Variants in OR5B17 observed in about 807,000 individuals in gnomAD.
The protein encoded by OR5B17 is olfactory receptor 5B17.
For synonymous variants in OR5B17, 150 were observed against 135.8 expected, an observed-to-expected ratio of 1.10 and a Z score of -0.73; for missense variants, 444 against 378.7, an observed-to-expected ratio of 1.17 and a Z score of -1.43.
chr11:58,358,599 T>G lies in OR5B17; in HGVS notation c.471A>C (p.Gln157His). ...YVIGFLNASI[Q>H]IGDTFRLSFC... ...AAGAGAGGCGAAATGTATCTCCAAT[T>G]TGGATAGAAGCATTCAGAAAACCAA... Residue 157 changes from glutamine to histidine, a missense_variant, in exon 1 of 1, where the codon CAA becomes CAC. Coordinates refer to ENST00000357377, the MANE Select transcript of OR5B17 (RefSeq NM_001005489.2). 6.2e-7 allele frequency: 1 copy of G among 1,613,964 alleles called. No individual in the cohort carries two copies. The highest frequency in any genetic ancestry group is 1.6e-4 in the Middle Eastern group (1 of 6,062).
rs150197773 is a variant in OR5B17, at chr11:58,358,187, C to A, written c.883G>T (p.Val295Leu). Residue 295 changes from valine to leucine, a missense_variant, in exon 1 of 1, where the codon GTG becomes TTG. Val to Leu is a conservative substitution (Grantham distance 32). Coordinates refer to ENST00000357377, the MANE Select transcript of OR5B17 (RefSeq NM_001005489.2). ...PIVYTLRNKD[V>L]KNAFMKVVEK... ...ACAACCTTCATGAATGCATTCTTCACGTCTTTGTTCCTCAGGGTATAGACT... is the reference window on the plus strand; with the variant it reads ...ACAACCTTCATGAATGCATTCTTCAAGTCTTTGTTCCTCAGGGTATAGACT... The A allele has an allele frequency of 5.6e-6, 9 of 1,610,436 alleles. No individual in the cohort carries two copies. Among genetic ancestry groups the A allele is most frequent in the African/African-American group, 2.7e-5 (2 of 74,828 alleles).
rs144426665 is a variant in OR5B17, at chr11:58,358,700, C to T, written c.370G>A (p.Val124Met). Reference protein sequence around the residue: ...SSMAYDRYAAVCNPLHYTTTM... With the variant: ...SSMAYDRYAAMCNPLHYTTTM... ...GTGGTATAATGTAGGGGGTTACACA[C>T]TGCTGCGTAGCGGTCATAGGCCATT... Residue 124 changes from valine to methionine, a missense_variant, in exon 1 of 1, where the codon GTG becomes ATG. Physicochemically the swap from Val to Met is conservative, Grantham distance 21. Transcript: ENST00000357377. 34 of 1,613,990 alleles carry T rather than the reference C, an allele frequency of 2.1e-5. No homozygotes were observed. The African/African-American group carries it at 4.1e-4, about 20-fold the overall frequency.
rs1256348332 is a variant in OR5B17, at chr11:58,358,970, G to A, written c.100C>T (p.Leu34Phe). ...CCCAGGTTCCCAGTCAGAGTGATGA[G>A]GTAGATGAGGGTAAACATGATAAAG... The part of the protein sequence containing the change: ...PLFIMFTLIY[L>F]ITLTGNLGMI... The change falls in exon 1 of 1, where the codon CTC (leucine) becomes TTC (phenylalanine). Residue 34 changes from leucine (L) to phenylalanine (F), a missense_variant. Physicochemically the swap from Leu to Phe is conservative, Grantham distance 22 (BLOSUM62 0). Transcript: ENST00000357377. The A allele has an allele frequency of 6.2e-7, 1 of 1,613,512 alleles. No individual in the cohort carries two copies. The highest frequency in any genetic ancestry group is 8.5e-7 in the Non-Finnish European group (1 of 1,179,848).
Position 58,358,990 on chromosome 11 carries a change from A to T in OR5B17, c.80T>A (p.Ile27Asn), listed in dbSNP as rs775722091. 26 of 1,612,878 alleles carry T rather than the reference A, an allele frequency of 1.6e-5. No homozygotes were observed. The highest frequency in any genetic ancestry group is 2.2e-5 in the Non-Finnish European group (26 of 1,179,940). The change falls in exon 1 of 1, where the codon ATC becomes AAC. Residue 27 changes from isoleucine (I) to asparagine (N), a missense_variant. Ile to Asn is a moderately radical substitution (Grantham distance 149). Transcript: ENST00000357377. ...NAPELQVPLF[I>N]MFTLIYLITL... ...GATGAGGTAGATGAGGGTAAACATG[A>T]TAAAGAGGGGAACCTGTAGTTCTGG...
rs1171962750 is a variant in OR5B17 at position 58,359,058 on chromosome 11, A to G, written c.12T>C (p.Asn4=). 6.3e-7 allele frequency: 1 copy of G among 1,575,572 alleles called. No homozygotes were observed. The highest frequency in any genetic ancestry group is 1.8e-5 in the Admixed American group (1 of 55,980). The change falls in exon 1 of 1, where the codon AAT becomes AAC. Residue 4 remains asparagine, a synonymous_variant. Coordinates refer to ENST00000357377, the MANE Select transcript of OR5B17 (RefSeq NM_001005489.2). MEN[N]TEVSEFILLG... ...GCAGGATGAATTCACTCACCTCTGT[A>G]TTATTCTCCATGGATGTTATTTTAG... is the stretch of plus-strand genomic sequence containing the variant.
At position 58,359,045 on chromosome 11, in the gene OR5B17, C is replaced by A; in HGVS notation, c.25G>T (p.Glu9Ter). 6.2e-7 allele frequency: 1 copy of A among 1,600,266 alleles called. No individual in the cohort carries two copies. The highest frequency in any genetic ancestry group is 8.5e-7 in the Non-Finnish European group (1 of 1,176,570). MENNTEVS[E>*]FILLGLTNAP... ...TTGGTTAGACCAAGCAGGATGAATT[C>A]ACTCACCTCTGTATTATTCTCCATG... Residue 9 changes from glutamate to a stop codon, truncating the protein, a stop_gained, in exon 1 of 1, where the codon GAA becomes TAA. Coordinates refer to ENST00000357377, the MANE Select transcript of OR5B17 (RefSeq NM_001005489.2). LOFTEE classifies it low-confidence loss of function (END_TRUNC).
chr11:58,359,054 C>G lies in OR5B17; in HGVS notation c.16G>C (p.Glu6Gln). 2 of 1,581,522 alleles carry G rather than the reference C, an allele frequency of 1.3e-6. No individual in the cohort carries two copies. The highest frequency in any genetic ancestry group is 1.7e-4 in the Middle Eastern group (1 of 5,914). ...CCAAGCAGGATGAATTCACTCACCT[C>G]TGTATTATTCTCCATGGATGTTATT... is the stretch of plus-strand genomic sequence containing the variant. The part of the protein sequence containing the change: MENNT[E>Q]VSEFILLGLT... Residue 6 changes from glutamate to glutamine, a missense_variant, in exon 1 of 1, where the codon GAG (glutamate) becomes CAG (glutamine). By Grantham distance (29) the Glu-to-Gln change is conservative (BLOSUM62 2). Transcript: ENST00000357377.
Position 58,358,336 on chromosome 11 carries a change from G to A in OR5B17, c.734C>T (p.Ala245Val), listed in dbSNP as rs1337113297. The change falls in exon 1 of 1, where the codon GCC (alanine) becomes GTC (valine). Residue 245 changes from alanine to valine, a missense_variant. Physicochemically the swap from Ala to Val is moderately conservative, Grantham distance 64. Coordinates refer to ENST00000357377, the MANE Select transcript of OR5B17 (RefSeq NM_001005489.2). ...PLSTCGSHLI[A>V]IFLFYITVII... The stretch of plus-strand genomic sequence containing the variant: ...GACAGTTATATAAAATAAGAAAATG[G>A]CAATGAGGTGAGAACCACAGGTAGA... 31 of 1,613,658 alleles carry A rather than the reference G, an allele frequency of 1.9e-5. No individual in the cohort carries two copies. The highest frequency in any genetic ancestry group is 2.3e-5 in the Non-Finnish European group (27 of 1,179,826).
chr11:58,358,898 A>C lies in OR5B17; in HGVS notation c.172T>G (p.Tyr58Asp). 6.2e-7 allele frequency: 1 copy of C among 1,614,166 alleles called. No homozygotes were observed. Among genetic ancestry groups the C allele is most frequent in the South Asian group, 1.1e-5 (1 of 91,080 alleles). The stretch of plus-strand genomic sequence containing the variant: ...AGAGACAGGTTACTGAGAAAAAAGT[A>C]CATGGGAGTGTGGAGATGAGAGTCC... ...LLDSHLHTPM[Y>D]FFLSNLSLAG... The change falls in exon 1 of 1, where the codon TAC (tyrosine) becomes GAC (aspartate). Residue 58 changes from tyrosine to aspartate, a missense_variant. Tyr to Asp is a radical substitution (Grantham distance 160). Transcript: ENST00000357377.
rs1854528021 is a variant in OR5B17, at chr11:58,358,619, A to G, written c.451T>C (p.Phe151Leu). Residue 151 changes from phenylalanine to leucine, a missense_variant, in exon 1 of 1, where the codon TTT becomes CTT. Phe to Leu is a conservative substitution (Grantham distance 22, BLOSUM62 0). Coordinates refer to ENST00000357377, the MANE Select transcript of OR5B17 (RefSeq NM_001005489.2). ...CCAATTTGGATAGAAGCATTCAGAA[A>G]ACCAATGACATAACAGCCTATAGCC... ...CLAIGCYVIG[F>L]LNASIQIGDT... The G allele has an allele frequency of 6.2e-7, 1 of 1,614,024 alleles. No homozygotes were observed. The highest frequency in any genetic ancestry group is 1.1e-5 in the South Asian group (1 of 91,080).
Position 58,358,728 on chromosome 11 carries a change from G to C in OR5B17, c.342C>G (p.Ser114=). Residue 114 remains serine (S), a synonymous_variant, in exon 1 of 1, where the codon TCC becomes TCG. Transcript: ENST00000357377. ...VFATVENYLL[S]SMAYDRYAAV... is the part of the protein sequence containing the mutation. ...CTGCGTAGCGGTCATAGGCCATTGA[G>C]GACAAGAGGTAATTTTCCACAGTGG... The C allele has an allele frequency of 6.2e-7, 1 of 1,614,124 alleles. No individual in the cohort carries two copies. The highest frequency in any genetic ancestry group is 8.5e-7 in the Non-Finnish European group (1 of 1,180,020).
Position 58,358,287 on chromosome 11 carries a change from A to G in OR5B17, c.783T>C (p.Ser261=). The change falls in exon 1 of 1, where the codon AGT becomes AGC. Residue 261 remains serine (S), a synonymous_variant. Transcript: ENST00000357377. The part of the protein sequence containing the change: ...ITVIIMYIRP[S]SSHSMDTDKI... ...TGTCTGTGTCCATGGAATGACTGGA[A>G]CTTGGTCGTATGTACATGATGATGA... is the stretch of plus-strand genomic sequence containing the variant. 1 of 1,614,062 alleles carries G rather than the reference A, an allele frequency of 6.2e-7. No homozygotes were observed. Among genetic ancestry groups the G allele is most frequent in the South Asian group, 1.1e-5 (1 of 91,082 alleles).
chr11:58,358,587 T>C lies in OR5B17; in HGVS notation c.483A>G (p.Thr161=). 1 of 1,613,948 alleles carries C rather than the reference T, an allele frequency of 6.2e-7. No homozygotes were observed. Among genetic ancestry groups the C allele is most frequent in the South Asian group, 1.1e-5 (1 of 91,068 alleles). Residue 161 remains threonine (T), a synonymous_variant, in exon 1 of 1, where the codon ACA becomes ACG. Transcript: ENST00000357377. Reference sequence around the variant, plus strand: ...TGGACATGCAGAAAGAGAGGCGAAATGTATCTCCAATTTGGATAGAAGCAT... The same window carrying C: ...TGGACATGCAGAAAGAGAGGCGAAACGTATCTCCAATTTGGATAGAAGCAT... ...FLNASIQIGD[T]FRLSFCMSNV...
chr11:58,358,713 G>A lies in OR5B17; in HGVS notation c.357C>T (p.Asp119=). The A allele has an allele frequency of 6.2e-7, 1 of 1,614,150 alleles. No homozygotes were observed. Among genetic ancestry groups the A allele is most frequent in the Non-Finnish European group, 8.5e-7 (1 of 1,180,038 alleles). Residue 119 remains aspartate (D), a synonymous_variant, in exon 1 of 1, where the codon GAC becomes GAT. Coordinates refer to ENST00000357377, the MANE Select transcript of OR5B17 (RefSeq NM_001005489.2). ...ENYLLSSMAY[D]RYAAVCNPLH... ...GGGGGTTACACACTGCTGCGTAGCG[G>A]TCATAGGCCATTGAGGACAAGAGGT...
In OR5B17 at chr11:58,358,907, T is replaced by C. The variant is rs200778106; in HGVS notation, c.163A>G (p.Thr55Ala). ...ILILLDSHLH[T>A]PMYFFLSNLS... ...TTACTGAGAAAAAAGTACATGGGAG[T>C]GTGGAGATGAGAGTCCAGCAGGATT... The change falls in exon 1 of 1, where the codon ACT becomes GCT. Residue 55 changes from threonine to alanine, a missense_variant. Physicochemically the swap from Thr to Ala is moderately conservative, Grantham distance 58 (BLOSUM62 0). Transcript: ENST00000357377. The C allele has an allele frequency of 1.2e-6, 2 of 1,613,564 alleles. No homozygotes were observed. Among genetic ancestry groups the C allele is most frequent in the Non-Finnish European group, 8.5e-7 (1 of 1,179,896 alleles).
At position 58,358,274 on chromosome 11, in the gene OR5B17, T is replaced by G. The variant is rs745553655; in HGVS notation, c.796A>C (p.Met266Leu). ...ACAGATGCAATTTTGTCTGTGTCCA[T>G]GGAATGACTGGAACTTGGTCGTATG... ...MYIRPSSSHS[M>L]DTDKIASVFY... Residue 266 changes from methionine to leucine, a missense_variant, in exon 1 of 1, where the codon ATG becomes CTG. Transcript: ENST00000357377. The G allele has an allele frequency of 5.0e-6, 8 of 1,613,790 alleles. 1 individual carries two copies. In the African/African-American group the frequency reaches 1.1e-4, roughly 22 times the overall value.
Position 58,358,255 on chromosome 11 carries a change from G to A in OR5B17, c.815C>T (p.Ala272Val), listed in dbSNP as rs375358852. ...SSHSMDTDKI[A>V]SVFYTMIIPM... The stretch of plus-strand genomic sequence containing the variant: ...GATGATCATAGTGTAGAACACAGAT[G>A]CAATTTTGTCTGTGTCCATGGAATG... Residue 272 changes from alanine to valine, a missense_variant, in exon 1 of 1, where the codon GCA (alanine) becomes GTA (valine). Ala to Val is a moderately conservative substitution (Grantham distance 64). Coordinates refer to ENST00000357377, the MANE Select transcript of OR5B17 (RefSeq NM_001005489.2). The A allele has an allele frequency of 6.8e-6, 11 of 1,612,192 alleles. No individual in the cohort carries two copies. Among genetic ancestry groups the A allele is most frequent in the South Asian group, 1.1e-5 (1 of 91,038 alleles).
chr11:58,359,026 A>G lies in OR5B17; in HGVS notation c.44T>C (p.Leu15Pro). ...TEVSEFILLG[L>P]TNAPELQVPL... Reference sequence around the variant, plus strand: ...AACCTGTAGTTCTGGGGCATTGGTTAGACCAAGCAGGATGAATTCACTCAC... The same window carrying G: ...AACCTGTAGTTCTGGGGCATTGGTTGGACCAAGCAGGATGAATTCACTCAC... Residue 15 changes from leucine (L) to proline (P), a missense_variant, in exon 1 of 1, where the codon CTA (leucine) becomes CCA (proline). Leu to Pro is a moderately conservative substitution (Grantham distance 98). Coordinates refer to ENST00000357377, the MANE Select transcript of OR5B17 (RefSeq NM_001005489.2). 1 of 1,607,416 alleles carries G rather than the reference A, an allele frequency of 6.2e-7. No homozygotes were observed. Among genetic ancestry groups the G allele is most frequent in the African/African-American group, 1.3e-5 (1 of 75,014 alleles).
At position 58,358,720 on chromosome 11, in the gene OR5B17, G is replaced by A; in HGVS notation, c.350C>T (p.Ala117Val). 1 of 1,614,158 alleles carries A rather than the reference G, an allele frequency of 6.2e-7. No homozygotes were observed. Among genetic ancestry groups the A allele is most frequent in the South Asian group, 1.1e-5 (1 of 91,082 alleles). ...ACACACTGCTGCGTAGCGGTCATAGGCCATTGAGGACAAGAGGTAATTTTC... is the reference window on the plus strand; with the variant it reads ...ACACACTGCTGCGTAGCGGTCATAGACCATTGAGGACAAGAGGTAATTTTC... Reference protein sequence around the residue: ...TVENYLLSSMAYDRYAAVCNP... With the variant: ...TVENYLLSSMVYDRYAAVCNP... The change falls in exon 1 of 1, where the codon GCC becomes GTC. Residue 117 changes from alanine to valine, a missense_variant. Physicochemically the swap from Ala to Val is moderately conservative, Grantham distance 64. Transcript: ENST00000357377.
Sources: gnomAD v4.1 joint callset for allele counts on GRCh38, gnomAD v4.1.1 for gene constraint, MANE v1.5 for transcripts, NCBI Gene and HGNC (gene_info 2026-07-23, HGNC 2026-07-21) for gene names.